Variants in KCNK3 observed in about 807,000 individuals in gnomAD.
KCNK3 encodes the protein potassium two pore domain channel subfamily K member 3.
In KCNK3, 9 loss-of-function variants were observed where a neutral mutation model predicts 27.3. That is an observed-to-expected ratio of 0.33 (90% CI 0.20 to 0.57). The LOEUF is 0.57. KCNK3 is among the 20% of genes least tolerant of loss of function. The pLI is 0.87. For missense variants in KCNK3, 391 were observed against 577.7 expected (o/e 0.68, Z 3.31); for synonymous variants, 278 against 273.8 (o/e 1.02, Z -0.15).
rs1400338882 is a variant in KCNK3, at chr2:26,693,978, C to CAGAG, written c.283+828_283+831dup. ...GGGCGGGCACACACACACACACACA[C>CAGAG]AGAGAGAGAGACAGAGAGAGAGAGA... On this transcript the variant is annotated intron_variant, in intron 1 of 1. Transcript: ENST00000302909. The surrounding 1 kb of genome is among the most constrained non-coding windows in gnomAD (Gnocchi z 5.5). 5.3e-5 allele frequency among the ~76,000 whole-genome samples: 8 copies of CAGAG among 150,568 alleles called. No individual in the cohort carries two copies. Among genetic ancestry groups the CAGAG allele is most frequent in the African/African-American group, 1.7e-4 (7 of 40,874 alleles).
chr2:26,710,304 G>A (rs1241791391), intron 1 of KCNK3, among the ~76,000 whole-genome samples: 7 of 152,192 alleles, frequency 4.6e-5, no homozygotes, highest in East Asian at 1.9e-4. Context: ...ACAGTCCATC[G>A]ATGCCTCCAG....
chr2:26,715,645 C>G (rs552859021), intron 1 of KCNK3, among the ~76,000 whole-genome samples: 1 of 152,212 alleles, frequency 6.6e-6, no homozygotes, highest in South Asian at 2.1e-4. Context: ...GGCAGGGACA[C>G]GTGGCCATCT....
intron 1 of KCNK3, among the ~76,000 whole-genome samples, chr2:26,713,236 G>A (rs142898442): frequency 6.6e-6 from 1 of 152,358 alleles, no homozygotes; most frequent in Non-Finnish European, 1.5e-5. Flanking sequence ...CAGAAGAGAT[G>A]AGGGAGGGAA....
intron 1 of KCNK3, among the ~76,000 whole-genome samples, 174 bp from the exon 2 acceptor site, chr2:26,727,493 T>C (rs1391882017): frequency 1.3e-5 from 2 of 152,064 alleles, no homozygotes; most frequent in Non-Finnish European, 2.9e-5. Context: ...AAGAGTACAA[T>C]AGAAAGCATG....
chr2:26,709,090 G>A (rs1663051973), intron 1 of KCNK3, among the ~76,000 whole-genome samples: 2 of 152,178 alleles, frequency 1.3e-5, no homozygotes, highest in African/African-American at 4.8e-5. Flanking sequence ...CAACCAGGTG[G>A]AGGATGTGCA....
At chr2:26,697,295 A>G (rs1484001220) in intron 1 of KCNK3, among the ~76,000 whole-genome samples, 1 of 152,178 alleles carries the variant, frequency 6.6e-6, no homozygotes, top group Non-Finnish European at 1.5e-5. Context: ...GCTTGAGGCC[A>G]GGAGGTCCAG....
chr2:26,706,277 GA>G (rs1455946134), intron 1 of KCNK3, among the ~76,000 whole-genome samples: 1 of 151,946 alleles, frequency 6.6e-6, no homozygotes, highest in Non-Finnish European at 1.5e-5. Flanking sequence ...GGCCCCCAGA[GA>G]AGGTCGTTTC....
In KCNK3 at chr2:26,729,392, A is replaced by AT. The variant is rs986376312; in HGVS notation, c.*829dup. 1.6e-4 allele frequency: 24 copies of AT among 152,230 alleles called. No homozygotes were observed. Among genetic ancestry groups the AT allele is most frequent in the African/African-American group, 5.5e-4 (23 of 41,458 alleles). The allele number at this position is 152,230 out of a possible 1,614,324, so 9.4% of individuals were successfully genotyped here. A position where few individuals can be genotyped will look rare whatever the true frequency, so the allele number is the denominator to read the frequency against. ...TACCCACTCTTAAATTTGTCGAGTG[A>AT]TTTTTAGCCTCTGAAAACTCTATGC... On this transcript the variant is annotated 3_prime_UTR_variant, in exon 2 of 2. Coordinates refer to ENST00000302909, the MANE Select transcript of KCNK3 (RefSeq NM_002246.3).
intron 1 of KCNK3, among the ~76,000 whole-genome samples, chr2:26,720,834 T>C (rs1386912171): frequency 6.6e-6 from 1 of 152,122 alleles, no homozygotes; most frequent in Non-Finnish European, 1.5e-5. Flanking sequence ...CCAGGAGCTC[T>C]GGCCTGAAGA....
rs996307263 is a variant in KCNK3 at position 26,721,825 on chromosome 2, G to C, written c.284-5842G>C. Among the ~76,000 whole-genome samples, 1 of 152,206 alleles carries C rather than the reference G, an allele frequency of 6.6e-6. No homozygotes were observed. The highest frequency in any genetic ancestry group is 2.4e-5 in the African/African-American group (1 of 41,456). On this transcript the variant is annotated intron_variant, in intron 1 of 1. Coordinates refer to ENST00000302909, the MANE Select transcript of KCNK3 (RefSeq NM_002246.3). This position sits in a 1 kb window ranked among gnomAD's most constrained non-coding sequence, Gnocchi z 4.3. ...AGGTCCCTCATCCACCTTCCCTCAG[G>C]ACAAACATTAGCCCAGCCATTGCCT...
rs1349131162 is a variant in KCNK3 at position 26,728,943 on chromosome 2, A to G, written c.*375A>G. ...GACTTCATGTTCCGTGTACGTTTGCATCTCTATTTATACCTCTGTCCTGCT... is the reference window on the plus strand; with the variant it reads ...GACTTCATGTTCCGTGTACGTTTGCGTCTCTATTTATACCTCTGTCCTGCT... On this transcript the variant is annotated 3_prime_UTR_variant, in exon 2 of 2. Coordinates refer to ENST00000302909, the MANE Select transcript of KCNK3 (RefSeq NM_002246.3). 1 of 198,436 alleles carries G rather than the reference A, an allele frequency of 5.0e-6. No homozygotes were observed. The allele number at this position is 198,436 out of a possible 1,614,324, so 12.3% of individuals were successfully genotyped here. A position where few individuals can be genotyped will look rare whatever the true frequency, so the allele number is the denominator to read the frequency against.
Position 26,693,492 on chromosome 2 carries a change from A to G in KCNK3, c.283+334A>G, listed in dbSNP as rs1670197011. Among the ~76,000 whole-genome samples, 1 of 152,204 alleles carries G rather than the reference A, an allele frequency of 6.6e-6. No homozygotes were observed. Among genetic ancestry groups the G allele is most frequent in the East Asian group, 1.9e-4 (1 of 5,186 alleles). On this transcript the variant is annotated intron_variant, in intron 1 of 1. Coordinates refer to ENST00000302909, the MANE Select transcript of KCNK3 (RefSeq NM_002246.3). This position sits in a 1 kb window ranked among gnomAD's most constrained non-coding sequence, Gnocchi z 5.5. ...CGGGCAGGAGGGGTGTGGCCGGGCC[A>G]GGCCCTGAACAGGGCGCTGAGAGTG...
chr2:26,710,610 G>A (rs1054724026), intron 1 of KCNK3, among the ~76,000 whole-genome samples: 2 of 152,170 alleles, frequency 1.3e-5, no homozygotes, highest in African/African-American at 4.8e-5. Context: ...GCAGGAGATG[G>A]GGGCCTGTCC....
At chr2:26,727,442 T>C (rs1032335911) in intron 1 of KCNK3, among the ~76,000 whole-genome samples, 1 of 152,178 alleles carries the variant, frequency 6.6e-6, no homozygotes, top group Non-Finnish European at 1.5e-5. Flanking sequence ...AAGTCATCCC[T>C]CCTTATTTCT....
chr2:26,711,127 G>A (rs1663103330), intron 1 of KCNK3, among the ~76,000 whole-genome samples: 1 of 152,180 alleles, frequency 6.6e-6, no homozygotes, highest in Non-Finnish European at 1.5e-5. Flanking sequence ...GTGGCAAGCA[G>A]GTGGGCTGGC....
intron 1 of KCNK3, among the ~76,000 whole-genome samples, chr2:26,694,075 G>A (rs946550894): frequency 2.0e-5 from 3 of 152,112 alleles, no homozygotes; most frequent in Non-Finnish European, 4.4e-5. Context: ...CTGTCCAGAC[G>A]GGAATAACAC....
At chr2:26,695,660 A>G (rs556811787) in intron 1 of KCNK3, among the ~76,000 whole-genome samples, 1 of 152,202 alleles carries the variant, frequency 6.6e-6, no homozygotes, top group African/African-American at 2.4e-5. Flanking sequence ...AGAGGCTGTG[A>G]GCACACACAG....
Position 26,692,947 on chromosome 2 carries a change from G to C in KCNK3, c.72G>C (p.Ala24=). 1 of 1,552,856 alleles carries C rather than the reference G, an allele frequency of 6.4e-7. No individual in the cohort carries two copies. Among genetic ancestry groups the C allele is most frequent in the South Asian group, 1.2e-5 (1 of 84,850 alleles). ...CTFTYLLVGA[A]VFDALESEPE... is the part of the protein sequence containing the mutation. ...TCACCTACCTGCTGGTGGGCGCCGC[G>C]GTCTTCGACGCGCTGGAGTCGGAGC... The change falls in exon 1 of 2, where the codon GCG becomes GCC. Residue 24 remains alanine (A), a synonymous_variant. Coordinates refer to ENST00000302909, the MANE Select transcript of KCNK3 (RefSeq NM_002246.3). This position sits in a 1 kb window ranked among gnomAD's most constrained non-coding sequence, Gnocchi z 5.6.
chr2:26,701,404 G>C (rs777617605), intron 1 of KCNK3, among the ~76,000 whole-genome samples: 9 of 152,164 alleles, frequency 5.9e-5, no homozygotes, highest in Non-Finnish European at 1.0e-4. Flanking sequence ...AAAGGGAGGA[G>C]AGAAGTGGAG....
Sources: gnomAD v4.1 joint callset for allele counts (sites outside exome capture counted in the v4.1 genomes callset) on GRCh38, gnomAD v4.1.1 for gene constraint, Gnocchi (gnomAD v3.1) non-coding constraint, MANE v1.5 for transcripts, NCBI Gene and HGNC (gene_info 2026-07-23, HGNC 2026-07-21) for gene names.